The following DOK6 variants were observed in gnomAD, a reference collection of about 807,000 sequenced individuals.
DOK6 encodes downstream of tyrosine kinase 6.
Under a neutral mutation model 44.0 loss-of-function variants are expected in DOK6, and 22 were observed. The observed-to-expected ratio is 0.50, with a 90% confidence interval of 0.36 to 0.71. DOK6 has a LOEUF of 0.71. Among genes scored for constraint, DOK6 ranks in the 30% least tolerant of loss-of-function variants. The probability of loss-of-function intolerance (pLI) is 0.00; values close to 1 mark genes in which losing one functional copy is unlikely to be tolerated. For missense variants in DOK6, 340 were observed against 416.4 expected (o/e 0.82, Z 1.60); for synonymous variants, 166 against 145.5 (o/e 1.14, Z -1.01).
chr18:69,660,041 G>A (rs1030823363), intron 3 of DOK6: 2 of 151,198 alleles, frequency 1.3e-5, no homozygotes, highest in East Asian at 3.9e-4. Flanking sequence ...TGTCTTCCTA[G>A]CTTTACAATA....
At chr18:69,496,429 G>A (rs559628304) in intron 1 of DOK6, among the ~76,000 whole-genome samples, 1 of 152,344 alleles carries the variant, frequency 6.6e-6, no homozygotes, top group African/African-American at 2.4e-5. Context: ...GGGCTTCCCG[G>A]CTGCAGCTGA....
rs1916082067 is a variant in DOK6, at chr18:69,401,002, G to T, written c.-243G>T. ...CGGCGCTGGGCTCGCGGCGGGGAGC[G>T]AAGGTGAGCGCCAGAACGCGGAGGG... On this transcript the variant is annotated 5_prime_UTR_variant, in exon 1 of 8. Coordinates refer to ENST00000382713, the MANE Select transcript of DOK6 (RefSeq NM_152721.6). 6.4e-6 allele frequency: 1 copy of T among 155,500 alleles called. No individual in the cohort carries two copies. The highest frequency in any genetic ancestry group is 2.4e-5 in the African/African-American group (1 of 41,072). The allele number at this position is 155,500 out of a possible 1,614,324, so 9.6% of individuals were successfully genotyped here.
intron 7 of DOK6, among the ~76,000 whole-genome samples, chr18:69,771,453 A>G (rs1979884939): frequency 6.6e-6 from 1 of 152,062 alleles, no homozygotes. Context: ...GCTTTTTACT[A>G]TTATAAACAA....
At chr18:69,474,298 T>C (rs1194481618) in intron 1 of DOK6, among the ~76,000 whole-genome samples, 1 of 152,112 alleles carries the variant, frequency 6.6e-6, no homozygotes, top group Non-Finnish European at 1.5e-5. Context: ...CATTTTCCTT[T>C]TTTACTTTCT....
intron 1 of DOK6, chr18:69,469,943 C>A: frequency 4.9e-6 from 1 of 203,268 alleles, no homozygotes; most frequent in South Asian, 6.1e-5. Flanking sequence ...AACCTTATCT[C>A]ATCGTGGCCT....
chr18:69,754,276 C>T (rs1257401812), intron 6 of DOK6, among the ~76,000 whole-genome samples: 1 of 148,338 alleles, frequency 6.7e-6, no homozygotes, highest in African/African-American at 2.5e-5. Context: ...ATTGCTTGAG[C>T]TTGGGAGGCG....
chr18:69,407,312 C>A (rs1402014460), intron 1 of DOK6, among the ~76,000 whole-genome samples: 1 of 152,114 alleles, frequency 6.6e-6, no homozygotes, highest in Non-Finnish European at 1.5e-5. Context: ...GTAGTCCCAC[C>A]ATTTAAAGAT....
chr18:69,711,136 A>G (rs1986746728), intron 5 of DOK6, among the ~76,000 whole-genome samples: 1 of 152,248 alleles, frequency 6.6e-6, no homozygotes, highest in Non-Finnish European at 1.5e-5. Flanking sequence ...CCGGCTTTAT[A>G]AGACACCTCC....
rs869296115 is a variant in DOK6, at chr18:69,848,061, AC to A, written c.*6679del. 3 of 124,550 alleles carry A rather than the reference AC, an allele frequency of 2.4e-5. No individual in the cohort carries two copies. Among genetic ancestry groups the A allele is most frequent in the African/African-American group, 8.6e-5 (3 of 34,790 alleles). 7.7% of individuals were successfully genotyped at this position (124,550 alleles called of 1,614,324 possible). A position where few individuals can be genotyped will look rare whatever the true frequency, so the allele number is the denominator to read the frequency against. On this transcript the variant is annotated 3_prime_UTR_variant, in exon 8 of 8. Transcript: ENST00000382713. Reference sequence around the variant, plus strand: ...CACACACACACACACACACACACACACATTTTTGGCTTTTGACCCACTCTGT... The same window carrying A: ...CACACACACACACACACACACACACAATTTTTGGCTTTTGACCCACTCTGT...
At chr18:69,648,228 A>T (rs1224333334) in intron 3 of DOK6, among the ~76,000 whole-genome samples, 4 of 152,230 alleles carry the variant, frequency 2.6e-5, no homozygotes, top group African/African-American at 9.6e-5. Context: ...AGAAAATATT[A>T]AAAAGAAATC....
intron 5 of DOK6, among the ~76,000 whole-genome samples, chr18:69,728,402 G>A (rs1978322400): frequency 6.6e-6 from 1 of 152,144 alleles, no homozygotes; most frequent in African/African-American, 2.4e-5. Context: ...CTCTAGCTCT[G>A]ATTTATAGCA....
chr18:69,671,096 T>C (rs1490172527), intron 3 of DOK6, among the ~76,000 whole-genome samples: 4 of 152,202 alleles, frequency 2.6e-5, no homozygotes, highest in Admixed American at 6.5e-5. Flanking sequence ...TTTTAAGCTC[T>C]TGTGTCATTC....
intron 7 of DOK6, among the ~76,000 whole-genome samples, chr18:69,815,319 T>C (rs1981366664): frequency 6.6e-6 from 1 of 152,162 alleles, no homozygotes; most frequent in Non-Finnish European, 1.5e-5. Flanking sequence ...TTGCCTTTGT[T>C]CACCTTTATA....
intron 1 of DOK6, among the ~76,000 whole-genome samples, chr18:69,541,800 G>A (rs547504032): frequency 6.6e-6 from 1 of 151,660 alleles, no homozygotes; most frequent in African/African-American, 2.4e-5. Flanking sequence ...CAATGAACAG[G>A]AAAGCTTGAT....
At chr18:69,555,395 A>T (rs2144591315) in intron 1 of DOK6, among the ~76,000 whole-genome samples, 1 of 152,294 alleles carries the variant, frequency 6.6e-6, no homozygotes, top group East Asian at 1.9e-4. Flanking sequence ...TTTTCCGTTA[A>T]GAAAAAGAAT....
At chr18:69,547,144 A>G (rs1004023432) in intron 1 of DOK6, among the ~76,000 whole-genome samples, 1 of 151,650 alleles carries the variant, frequency 6.6e-6, no homozygotes, top group Non-Finnish European at 1.5e-5. Flanking sequence ...CTCTGTTGCC[A>G]GGCTGGAGTG....
intron 1 of DOK6, among the ~76,000 whole-genome samples, chr18:69,518,990 A>C (rs1179316024): frequency 6.6e-6 from 1 of 152,060 alleles, no homozygotes; most frequent in Non-Finnish European, 1.5e-5. Context: ...GACATGGAAA[A>C]TCTTTCTTAC....
chr18:69,684,042 C>A (rs1471013925), intron 4 of DOK6, among the ~76,000 whole-genome samples: 4 of 152,102 alleles, frequency 2.6e-5, no homozygotes, highest in Non-Finnish European at 1.5e-5. Flanking sequence ...TGGAAGCAGC[C>A]CCTCTAGAAG....
intron 1 of DOK6, among the ~76,000 whole-genome samples, chr18:69,500,518 C>T (rs1004920876): frequency 6.6e-6 from 1 of 152,112 alleles, no homozygotes; most frequent in Admixed American, 6.6e-5. Flanking sequence ...ATATAATCTC[C>T]ATGAAAACAA....
Sources: allele counts gnomAD v4.1 joint callset (sites outside exome capture counted in the v4.1 genomes callset), GRCh38; gene constraint gnomAD v4.1.1; transcripts MANE v1.5; gene names NCBI Gene and HGNC (gene_info 2026-07-23, HGNC 2026-07-21).